The following MED13L variants were observed in gnomAD, a reference collection of about 807,000 sequenced individuals.
MED13L encodes mediator of RNA polymerase II transcription subunit 13-like.
In MED13L, 7 loss-of-function variants were observed where a neutral mutation model predicts 220.9. The observed-to-expected ratio is 0.03, with a 90% CI of 0.02 to 0.06. MED13L has a LOEUF of 0.06. Among genes scored for constraint, MED13L ranks in the 10% least tolerant of loss-of-function variants. The pLI is 1.00. For missense variants in MED13L, 1,965 were observed against 2,760.5 expected, an observed-to-expected ratio of 0.71 and a Z score of 6.46; for synonymous variants, 1,011 against 1,015.2, an observed-to-expected ratio of 1.00 and a Z score of 0.08.
chr12:116,265,950 C>T (rs1207075465), intron 1 of MED13L, among the ~76,000 whole-genome samples: 2 of 152,176 alleles, frequency 1.3e-5, no homozygotes, highest in Admixed American at 1.3e-4. Flanking sequence ...TCTCTGGCTA[C>T]AAAGTATTAT....
At chr12:116,069,909 A>T (rs1180902167) in intron 4 of MED13L, among the ~76,000 whole-genome samples, 1 of 152,212 alleles carries the variant, frequency 6.6e-6, no homozygotes, top group African/African-American at 2.4e-5. Context: ...ACCTCATTAT[A>T]TATTTGCAAG....
chr12:116,052,792 G>A (rs1257623139), intron 4 of MED13L, among the ~76,000 whole-genome samples: 4 of 152,162 alleles, frequency 2.6e-5, no homozygotes, highest in Non-Finnish European at 4.4e-5. Flanking sequence ...AGGGTGCTGG[G>A]TGCCTAGAAG....
intron 5 of MED13L, 43 bp downstream of exon 5, chr12:116,022,413 T>C: frequency 6.2e-7 from 1 of 1,609,738 alleles, no homozygotes. Context: ...GGTTATCCAC[T>C]CGGTGGCGGA....
At chr12:115,982,802 G>A (rs982335192) in intron 21 of MED13L, among the ~76,000 whole-genome samples, 199 bp from the exon 22 acceptor site, 2 of 152,174 alleles carry the variant, frequency 1.3e-5, no homozygotes, top group African/African-American at 4.8e-5. Context: ...AAATGGCAAT[G>A]TACTCCTCTA....
At chr12:116,108,741 C>T (rs1463246297) in intron 3 of MED13L, among the ~76,000 whole-genome samples, 3 of 152,092 alleles carry the variant, frequency 2.0e-5, no homozygotes, top group African/African-American at 4.8e-5. Flanking sequence ...AAAATTGACT[C>T]CTGTAGGAGG....
intron 14 of MED13L, among the ~76,000 whole-genome samples, chr12:116,001,400 T>C (rs1027136691): frequency 7.2e-5 from 11 of 152,244 alleles, no homozygotes; most frequent in Admixed American, 5.2e-4. Context: ...TTTCACCACG[T>C]TGGCCAGGTT....
chr12:116,079,380 A>G (rs918304195), intron 4 of MED13L, among the ~76,000 whole-genome samples: 7 of 151,922 alleles, frequency 4.6e-5, no homozygotes, highest in African/African-American at 1.7e-4. Context: ...CACCATGCCC[A>G]GCTAACTTTA....
intron 3 of MED13L, among the ~76,000 whole-genome samples, chr12:116,100,893 G>A (rs1431503211): frequency 6.6e-6 from 1 of 152,092 alleles, no homozygotes; most frequent in African/African-American, 2.4e-5. Context: ...CAGCCTGGAT[G>A]ACAGAGTGAG....
intron 2 of MED13L, among the ~76,000 whole-genome samples, chr12:116,181,482 A>G (rs1880520970): frequency 6.6e-6 from 1 of 152,022 alleles, no homozygotes. Context: ...CATCTCAATT[A>G]TTTCTTTAAG....
intron 2 of MED13L, among the ~76,000 whole-genome samples, chr12:116,125,416 T>C (rs2137977297): frequency 6.6e-6 from 1 of 152,366 alleles, no homozygotes; most frequent in South Asian, 2.1e-4. Context: ...TTTTCTGACC[T>C]GTGCTACCAC....
intron 4 of MED13L, 37 bp from the exon 5 acceptor site, chr12:116,022,638 T>C: frequency 2.5e-6 from 4 of 1,596,870 alleles, no homozygotes; most frequent in Non-Finnish European, 3.4e-6. Context: ...ACTTTATATT[T>C]TGGTAGGAAA....
intron 4 of MED13L, among the ~76,000 whole-genome samples, chr12:116,059,586 T>C (rs56261859): frequency 0.17 from 25,232 of 151,618 alleles, 2,332 homozygotes; most frequent in Middle Eastern, 0.24. Context: ...CCCAGCTAAT[T>C]TTTGTGTTTT....
At chr12:116,248,057 G>C (rs953289044) in intron 1 of MED13L, among the ~76,000 whole-genome samples, 2 of 152,160 alleles carry the variant, frequency 1.3e-5, no homozygotes, top group African/African-American at 2.4e-5. Context: ...GAAAGACTAG[G>C]CTGGTGAGGA....
intron 2 of MED13L, among the ~76,000 whole-genome samples, chr12:116,233,691 C>G (rs1869799944): frequency 1.3e-5 from 2 of 152,290 alleles, no homozygotes; most frequent in South Asian, 4.1e-4. Flanking sequence ...AACCTCATAA[C>G]CTAATTCACA....
At chr12:116,054,013 A>G (rs1249209682) in intron 4 of MED13L, among the ~76,000 whole-genome samples, 4 of 152,126 alleles carry the variant, frequency 2.6e-5, no homozygotes, top group Non-Finnish European at 5.9e-5. Flanking sequence ...TCTACTTTAC[A>G]TTAGAAAGGC....
intron 1 of MED13L, among the ~76,000 whole-genome samples, chr12:116,253,752 T>C (rs111518529): frequency 0.017 from 2,259 of 135,308 alleles, 109 homozygotes; most frequent in African/African-American, 0.063. Context: ...CGGTTTTTTT[T>C]GTTTTTTTTT....
intron 2 of MED13L, among the ~76,000 whole-genome samples, chr12:116,221,088 T>A (rs1302831815): frequency 4.6e-5 from 7 of 151,904 alleles, no homozygotes; most frequent in African/African-American, 1.7e-4. Flanking sequence ...TAAAAACAAA[T>A]TAGCAGCTGG....
intron 2 of MED13L, among the ~76,000 whole-genome samples, chr12:116,193,187 T>C (rs1200878332): frequency 6.6e-6 from 1 of 152,060 alleles, no homozygotes; most frequent in Non-Finnish European, 1.5e-5. Flanking sequence ...AGCTCACTCC[T>C]GTAGTCACAG....
intron 4 of MED13L, among the ~76,000 whole-genome samples, chr12:116,031,755 GAAAA>G (rs59434449): frequency 0.049 from 2,890 of 58,540 alleles, 193 homozygotes; most frequent in African/African-American, 0.066. Context: ...GAAAAGAAAA[GAAAA>G]GAAGGAAGGA....
Sources: allele counts gnomAD v4.1 joint callset (sites outside exome capture counted in the v4.1 genomes callset), GRCh38; gene constraint gnomAD v4.1.1; transcripts MANE v1.5; gene names NCBI Gene and HGNC (gene_info 2026-07-23, HGNC 2026-07-21).